FAM3D: variants seen among roughly 807,000 people sequenced by gnomAD.
The protein encoded by FAM3D is FAM3 metabolism regulating signaling molecule D.
Under a neutral mutation model 29.8 loss-of-function variants are expected in FAM3D, and 26 were observed. The observed-to-expected ratio is 0.87, with a 90% CI of 0.64 to 1.21. FAM3D has a LOEUF of 1.21. Among genes scored for constraint, FAM3D ranks in the 50% most tolerant of loss-of-function variants. The pLI, the probability that FAM3D is intolerant of heterozygous loss-of-function variation, is 0.00. For missense variants in FAM3D, 253 were observed against 290.9 expected (o/e 0.87, Z 0.95); for synonymous variants, 115 against 102.3 (o/e 1.12, Z -0.75).
chr3:58,639,874 C>T (rs1426039987), intron 7 of FAM3D, among the ~76,000 whole-genome samples: 1 of 152,182 alleles, frequency 6.6e-6, no homozygotes, highest in Non-Finnish European at 1.5e-5. Context: ...TTCCTGAGCT[C>T]ACTTCTTAAA....
At chr3:58,662,572 AGAGT>A (rs1241744883) in intron 1 of FAM3D, among the ~76,000 whole-genome samples, 11 of 152,158 alleles carry the variant, frequency 7.2e-5, no homozygotes, top group Admixed American at 7.2e-4. Flanking sequence ...AGCTTTAGAG[AGAGT>A]AAGTGGCTGG....
rs373974005 is a variant in FAM3D at position 58,640,128 on chromosome 3, T to C, written c.372A>G (p.Gly124=). The part of the protein sequence containing the change: ...LGQKAFDMYS[G]DVMHLVKFLK... ...TTCAGTGTCAGCAGAGGCACCTACCTCCAGAGTACATGTCAAATGCCTTCT... is the reference window on the plus strand; with the variant it reads ...TTCAGTGTCAGCAGAGGCACCTACCCCCAGAGTACATGTCAAATGCCTTCT... Residue 124 remains glycine, a splice_region_variant and synonymous_variant, in exon 7 of 10, where the codon GGA becomes GGG. Coordinates refer to ENST00000358781, the MANE Select transcript of FAM3D (RefSeq NM_138805.3). The C allele has an allele frequency of 2.5e-6, 4 of 1,614,088 alleles. No homozygotes were observed. In the East Asian group the frequency reaches 6.7e-5, roughly 27 times the overall value.
chr3:58,645,216 G>A (rs2066441162), intron 5 of FAM3D, among the ~76,000 whole-genome samples: 1 of 152,182 alleles, frequency 6.6e-6, no homozygotes, highest in South Asian at 2.1e-4. Context: ...CACTGGGCAG[G>A]TGACCCTGTC....
chr3:58,660,308 G>C (rs1331667198), intron 1 of FAM3D, among the ~76,000 whole-genome samples: 1 of 152,112 alleles, frequency 6.6e-6, no homozygotes, highest in African/African-American at 2.4e-5. Flanking sequence ...ACCCTGCCTA[G>C]ACCCAGTTGC....
intron 8 of FAM3D, 62 bp from the exon 9 acceptor site, chr3:58,636,482 G>A (rs538222638): frequency 3.1e-6 from 5 of 1,593,184 alleles, no homozygotes; most frequent in East Asian, 2.2e-5. Context: ...ATCAGGTGGT[G>A]GGATTCCCAT....
chr3:58,665,721 T>A (rs1477784233), intron 1 of FAM3D, among the ~76,000 whole-genome samples: 1 of 152,228 alleles, frequency 6.6e-6, no homozygotes, highest in Non-Finnish European at 1.5e-5. Flanking sequence ...GGGGAAGTTA[T>A]TAAATCTCTC....
chr3:58,638,663 C>T (rs1021577045), intron 7 of FAM3D, among the ~76,000 whole-genome samples: 2 of 152,186 alleles, frequency 1.3e-5, no homozygotes, highest in African/African-American at 4.8e-5. Flanking sequence ...GCATGGGCCC[C>T]GTGTGACTGC....
intron 7 of FAM3D, among the ~76,000 whole-genome samples, chr3:58,638,005 C>G (rs1008525906): frequency 2.0e-5 from 3 of 152,188 alleles, no homozygotes; most frequent in Non-Finnish European, 4.4e-5. Context: ...CTGCCTCAGC[C>G]TTCCAAGTAG....
At chr3:58,658,545 G>A (rs182672578) in intron 1 of FAM3D, among the ~76,000 whole-genome samples, 1 of 152,206 alleles carries the variant, frequency 6.6e-6, no homozygotes, top group East Asian at 1.9e-4. Flanking sequence ...ATACTCCTTT[G>A]TCTGGAATCC....
intron 9 of FAM3D, 29 bp downstream of exon 9, chr3:58,636,265 A>G: frequency 1.9e-6 from 3 of 1,607,230 alleles, no homozygotes; most frequent in Non-Finnish European, 2.6e-6. Flanking sequence ...TGCATCCTTC[A>G]TAGGGCCGGG....
At chr3:58,656,084 C>A (rs2066789253) in intron 1 of FAM3D, among the ~76,000 whole-genome samples, 1 of 152,138 alleles carries the variant, frequency 6.6e-6, no homozygotes, top group Non-Finnish European at 1.5e-5. Flanking sequence ...TCCTTCCCTT[C>A]CTTCCTTCCT....
At chr3:58,653,817 A>G (rs2066715867) in intron 2 of FAM3D, 36 bp from the exon 3 acceptor site, 2 of 1,541,126 alleles carry the variant, frequency 1.3e-6, no homozygotes, top group Non-Finnish European at 1.8e-6. Context: ...GAGACCACAG[A>G]GCCAAGACCA....
At chr3:58,637,486 G>A (rs183314625) in intron 7 of FAM3D, among the ~76,000 whole-genome samples, 29 of 152,252 alleles carry the variant, frequency 1.9e-4, no homozygotes, top group African/African-American at 5.5e-4. Context: ...AATTCCCCTC[G>A]TGACAGGGAT....
chr3:58,636,663 A>G (rs113938425), intron 8 of FAM3D, among the ~76,000 whole-genome samples: 1 of 152,210 alleles, frequency 6.6e-6, no homozygotes. Context: ...TACAAATACA[A>G]TACACATTCA....
intron 7 of FAM3D, among the ~76,000 whole-genome samples, chr3:58,639,738 C>G (rs1483868313): frequency 1.3e-5 from 2 of 152,188 alleles, no homozygotes; most frequent in African/African-American, 4.8e-5. Flanking sequence ...GATGCAGACT[C>G]CAGGTCAGCA....
chr3:58,657,328 C>G (rs1358212771), intron 1 of FAM3D, among the ~76,000 whole-genome samples: 1 of 150,386 alleles, frequency 6.6e-6, no homozygotes, highest in Non-Finnish European at 1.5e-5. Flanking sequence ...CAGAGACACT[C>G]CAGTCTGGGA....
At chr3:58,652,110 CA>C (rs926587166) in intron 3 of FAM3D, among the ~76,000 whole-genome samples, 1 of 152,178 alleles carries the variant, frequency 6.6e-6, no homozygotes, top group African/African-American at 2.4e-5. Flanking sequence ...CCCTTCCCTT[CA>C]CTTCTTCCTT....
chr3:58,648,941 G>C (rs1264964784), intron 4 of FAM3D, among the ~76,000 whole-genome samples: 1 of 152,198 alleles, frequency 6.6e-6, no homozygotes, highest in African/African-American at 2.4e-5. Flanking sequence ...CCAAGCCTGG[G>C]GTCACTGCAA....
intron 4 of FAM3D, 106 bp downstream of exon 4, chr3:58,649,209 T>G (rs908417350): frequency 2.1e-5 from 29 of 1,383,594 alleles, no homozygotes; most frequent in Non-Finnish European, 2.8e-5. Flanking sequence ...CTCTGGCACC[T>G]GCAGGGCTCA....
Sources: allele counts gnomAD v4.1 joint callset (sites outside exome capture counted in the v4.1 genomes callset), GRCh38; gene constraint gnomAD v4.1.1; transcripts MANE v1.5; gene names NCBI Gene and HGNC (gene_info 2026-07-23, HGNC 2026-07-21).